DAB2: variants seen among roughly 807,000 people sequenced by gnomAD.
The protein encoded by DAB2 is disabled homolog 2.
Under a neutral mutation model 71.6 loss-of-function variants are expected in DAB2, and 28 were observed. The ratio of observed to expected loss-of-function variants is 0.39; its 90% CI spans 0.29 to 0.54. The LOEUF is 0.54. DAB2 is among the 20% of genes least tolerant of loss of function. The probability of loss-of-function intolerance (pLI) is 0.68; values close to 1 mark genes in which losing one functional copy is unlikely to be tolerated. For missense variants in DAB2, 867 were observed against 928.8 expected, an observed-to-expected ratio of 0.93 and a Z score of 0.86; for synonymous variants, 345 against 339.7, an observed-to-expected ratio of 1.02 and a Z score of -0.17.
chr5:39,390,558 A>G lies in DAB2; in HGVS notation c.348T>C (p.His116=). ...CAATGAAAGAAATCTTATTTACTGG[A>G]TGTTCATGCTCTATTACCTTAAAAA... ...DEKTGVIEHE[H]PVNKISFIAR... Residue 116 remains histidine (H), a synonymous_variant, in exon 5 of 15, where the codon CAT becomes CAC. Coordinates refer to ENST00000320816, the MANE Select transcript of DAB2 (RefSeq NM_001343.4). 3 of 1,612,916 alleles carry G rather than the reference A, an allele frequency of 1.9e-6. No individual in the cohort carries two copies. The highest frequency in any genetic ancestry group is 2.5e-6 in the Non-Finnish European group (3 of 1,178,990).
chr5:39,379,096 A>G (rs1377422009), intron 11 of DAB2, among the ~76,000 whole-genome samples: 1 of 152,192 alleles, frequency 6.6e-6, no homozygotes, highest in East Asian at 1.9e-4. Context: ...ATCATCTTTC[A>G]TGTTGGACAA....
At chr5:39,406,234 C>A (rs1201836840) in intron 1 of DAB2, among the ~76,000 whole-genome samples, 1 of 152,018 alleles carries the variant, frequency 6.6e-6, no homozygotes, top group Non-Finnish European at 1.5e-5. Context: ...CCAATCTGAC[C>A]CAGCCAAGCA....
intron 9 of DAB2, 122 bp from the exon 10 acceptor site, chr5:39,383,393 G>C (rs575418045): frequency 2.5e-6 from 2 of 800,028 alleles, no homozygotes; most frequent in Admixed American, 2.7e-5. Context: ...TTGATAAATC[G>C]GTTGATCATT....
At chr5:39,407,193 C>T (rs1399341017) in intron 1 of DAB2, among the ~76,000 whole-genome samples, 2 of 152,158 alleles carry the variant, frequency 1.3e-5, no homozygotes, top group African/African-American at 4.8e-5. Context: ...AAAATAACTC[C>T]TCTTCCTATT....
At chr5:39,388,748 A>G (rs761195104) in intron 8 of DAB2, 51 bp downstream of exon 8, 49 of 1,440,766 alleles carry the variant, frequency 3.4e-5, no homozygotes, top group Non-Finnish European at 4.5e-5. Context: ...AGGAAGTAGA[A>G]CCCATGTTCA....
At chr5:39,390,665 G>GCCTT in intron 4 of DAB2, 90 bp from the exon 5 acceptor site, 8 of 898,446 alleles carry the variant, frequency 8.9e-6, no homozygotes, top group Non-Finnish European at 1.3e-5. Flanking sequence ...ATATATGAAG[G>GCCTT]CATATATGAA....
At chr5:39,423,261 C>T (rs147167813) in intron 1 of DAB2, among the ~76,000 whole-genome samples, 2 of 5,774 alleles carry the variant, frequency 3.5e-4, no homozygotes, top group African/African-American at 2.0e-3. Flanking sequence ...AAGAAGTGGT[C>T]TGTCCCAGAA....
At chr5:39,379,848 T>G (rs929827881) in intron 11 of DAB2, among the ~76,000 whole-genome samples, 3 of 152,110 alleles carry the variant, frequency 2.0e-5, no homozygotes, top group African/African-American at 4.8e-5. Flanking sequence ...GAGCTCAGTT[T>G]GAGTCCCATG....
At chr5:39,394,122 G>A (rs1162516856) in intron 2 of DAB2, 108 bp downstream of exon 2, 9 of 856,044 alleles carry the variant, frequency 1.1e-5, no homozygotes, top group Admixed American at 4.3e-5. Context: ...ACTAAGCTGA[G>A]GTTGAAGGAA....
chr5:39,416,839 T>C (rs914982524), intron 1 of DAB2, among the ~76,000 whole-genome samples: 14 of 152,190 alleles, frequency 9.2e-5, no homozygotes, highest in African/African-American at 3.1e-4. Context: ...CACAGTCTGT[T>C]AATGAGCAGT....
intron 1 of DAB2, among the ~76,000 whole-genome samples, chr5:39,415,895 G>A (rs773943300): frequency 6.6e-6 from 1 of 152,212 alleles, no homozygotes; most frequent in African/African-American, 2.4e-5. Flanking sequence ...AATGTACTTC[G>A]TATGCAGATA....
At chr5:39,382,572 A>G in intron 10 of DAB2, 46 bp downstream of exon 10, 2 of 1,553,586 alleles carry the variant, frequency 1.3e-6, no homozygotes, top group East Asian at 4.5e-5. Flanking sequence ...ACCCTTTGGT[A>G]CCGAACATGC....
chr5:39,390,571 A>G lies in DAB2; in HGVS notation c.335T>C (p.Ile112Thr). ...IKIIDEKTGV[I>T]EHEHPVNKIS... Reference sequence around the variant, plus strand: ...CTTATTTACTGGATGTTCATGCTCTATTACCTTAAAAAAGAACATAAAGAG... The same window carrying G: ...CTTATTTACTGGATGTTCATGCTCTGTTACCTTAAAAAAGAACATAAAGAG... Residue 112 changes from isoleucine to threonine, a missense_variant, in exon 5 of 15, where the codon ATA (isoleucine) becomes ACA (threonine). Ile to Thr is a moderately conservative substitution (Grantham distance 89). This residue lies in a region of DAB2 where 127 missense variants were observed against 194.4 expected (regional missense o/e 0.65). Transcript: ENST00000320816. 6.2e-7 allele frequency: 1 copy of G among 1,608,952 alleles called. No homozygotes were observed. Among genetic ancestry groups the G allele is most frequent in the Non-Finnish European group, 8.5e-7 (1 of 1,177,030 alleles).
chr5:39,390,965 G>A (rs1483204266), intron 4 of DAB2, among the ~76,000 whole-genome samples: 1 of 152,152 alleles, frequency 6.6e-6, no homozygotes, highest in Admixed American at 6.5e-5. Flanking sequence ...GCATAACTAA[G>A]CTAGAGGAGT....
rs3860794 is a variant in DAB2, at chr5:39,410,877, T to G, written c.-102+13927A>C. On this transcript the variant is annotated intron_variant, in intron 1 of 14. Transcript: ENST00000320816. The stretch of plus-strand genomic sequence containing the variant: ...TGGCTAGAAATTGTATTGAGTATTT[T>G]TCCTTTTCACTAAAATTTATCATTT... 2.6e-3 allele frequency among the ~76,000 whole-genome samples: 389 copies of G among 152,308 alleles called. 10 individuals carry two copies. The East Asian group carries it at 0.065, about 26-fold the overall frequency.
At chr5:39,381,298 T>C (rs1255560781) in intron 11 of DAB2, among the ~76,000 whole-genome samples, 156 bp downstream of exon 11, 2 of 152,120 alleles carry the variant, frequency 1.3e-5, no homozygotes, top group African/African-American at 2.4e-5. Flanking sequence ...ATCAAATGGA[T>C]GTGGGGTTGT....
intron 1 of DAB2, among the ~76,000 whole-genome samples, chr5:39,410,587 A>C (rs1259581252): frequency 6.6e-6 from 1 of 152,106 alleles, no homozygotes; most frequent in Non-Finnish European, 1.5e-5. Flanking sequence ...TGACATGAAA[A>C]ATTTATATAC....
intron 1 of DAB2, among the ~76,000 whole-genome samples, chr5:39,416,082 G>A (rs1755839498): frequency 6.6e-6 from 1 of 151,008 alleles, no homozygotes. Context: ...CTTAGTTCCA[G>A]CATTTTTCCT....
Position 39,377,161 on chromosome 5 carries a change from C to T in DAB2, c.1626G>A (p.Gln542=). The change falls in exon 12 of 15, where the codon CAG becomes CAA. Residue 542 remains glutamine, a synonymous_variant. Coordinates refer to ENST00000320816, the MANE Select transcript of DAB2 (RefSeq NM_001343.4). ...CTGGACTTGTACCAAAAATGACGGG[C>T]TGACTAAAACCTGAAGGTTGACCAC... ...MMGGQPSGFS[Q]PVIFGTSPAV... 1 of 1,614,058 alleles carries T rather than the reference C, an allele frequency of 6.2e-7. No homozygotes were observed. The highest frequency in any genetic ancestry group is 2.2e-5 in the East Asian group (1 of 44,868).
Sources: gnomAD v4.1 joint callset for allele counts (sites outside exome capture counted in the v4.1 genomes callset) on GRCh38, gnomAD v4.1.1 for gene constraint, gnomAD v4.1.1 regional missense constraint, MANE v1.5 for transcripts, NCBI Gene and HGNC (gene_info 2026-07-23, HGNC 2026-07-21) for gene names.